LCP1: variants seen among roughly 807,000 people sequenced by gnomAD.
The protein encoded by LCP1 is lymphocyte cytosolic protein 1.
In LCP1, 23 loss-of-function variants were observed where a neutral mutation model predicts 72.0. The observed-to-expected ratio is 0.32, with a 90% CI of 0.23 to 0.45. LCP1 has a LOEUF of 0.45. LCP1 is among the 20% of genes least tolerant of loss of function. The probability of loss-of-function intolerance (pLI) is 1.00; values close to 1 mark genes in which losing one functional copy is unlikely to be tolerated. For missense variants in LCP1, 571 were observed against 748.3 expected (o/e 0.76, Z 2.76); for synonymous variants, 245 against 275.4 (o/e 0.89, Z 1.09).
chr13:46,130,742 T>C, intron 15 of LCP1, 72 bp downstream of exon 15: 1 of 1,561,176 alleles, frequency 6.4e-7, no homozygotes, highest in Non-Finnish European at 8.8e-7. Flanking sequence ...GCATGAGCAT[T>C]AGACTTTACA....
intron 13 of LCP1, among the ~76,000 whole-genome samples, chr13:46,140,993 C>T (rs1040690191): frequency 4.6e-5 from 7 of 152,088 alleles, no homozygotes; most frequent in Admixed American, 4.6e-4. Context: ...CTTGGAATCC[C>T]CCAGAACCAG....
chr13:46,130,766 C>T (rs764831874), intron 15 of LCP1, 48 bp downstream of exon 15: 15 of 1,608,236 alleles, frequency 9.3e-6, no homozygotes, highest in Non-Finnish European at 1.2e-5. Flanking sequence ...ATCCAGCTGC[C>T]AGTTGGGTCC....
intron 13 of LCP1, among the ~76,000 whole-genome samples, chr13:46,136,139 C>A (rs2045663881): frequency 6.6e-6 from 1 of 151,786 alleles, no homozygotes; most frequent in African/African-American, 2.4e-5. Context: ...TTCAACCACA[C>A]AGAACCATCA....
intron 1 of LCP1, among the ~76,000 whole-genome samples, chr13:46,179,949 A>G (rs2045948616): frequency 6.6e-6 from 1 of 152,118 alleles, no homozygotes; most frequent in Non-Finnish European, 1.5e-5. Context: ...AAATGTTTGT[A>G]AATTTATTAC....
chr13:46,166,450 CTT>C (rs542558464), intron 1 of LCP1, among the ~76,000 whole-genome samples: 130 of 152,328 alleles, frequency 8.5e-4, no homozygotes, highest in Non-Finnish European at 1.3e-3. Flanking sequence ...CCAAGGGACT[CTT>C]TTGAATGTGC....
In LCP1 at chr13:46,146,852, A is replaced by G. The variant is rs2045733575; in HGVS notation, c.1174+56T>C. The stretch of plus-strand genomic sequence containing the variant: ...GCTTAGGAAGTGAGTTTGAATTGCC[A>G]TTGAATTAGAATTGTGAGTGCCTTT... On this transcript the variant is annotated intron_variant, in intron 10 of 15. Transcript: ENST00000323076. 7 of 1,553,138 alleles carry G rather than the reference A, an allele frequency of 4.5e-6. No homozygotes were observed. In the Admixed American group the frequency reaches 1.2e-4, roughly 26 times the overall value.
intron 13 of LCP1, 50 bp downstream of exon 13, chr13:46,142,242 C>T: frequency 6.4e-7 from 1 of 1,572,364 alleles, no homozygotes; most frequent in Non-Finnish European, 8.7e-7. Context: ...TAATATTTGT[C>T]TAAGTAAATA....
intron 1 of LCP1, among the ~76,000 whole-genome samples, chr13:46,167,191 A>C (rs762642022): frequency 5.9e-5 from 9 of 152,198 alleles, no homozygotes; most frequent in Non-Finnish European, 1.2e-4. Context: ...CTCCTCTGAC[A>C]CTATTATCTC....
Position 46,127,449 on chromosome 13 carries a change from C to G in LCP1, c.*142G>C, listed in dbSNP as rs1254594327. ...TTTTTGTTAAATACAGGAGAGGCTA[C>G]TTGGCTGCACTAATATGTGCTTTTT... is the stretch of plus-strand genomic sequence containing the variant. On this transcript the variant is annotated 3_prime_UTR_variant, in exon 16 of 16. Coordinates refer to ENST00000323076, the MANE Select transcript of LCP1 (RefSeq NM_002298.5). 5 of 1,012,146 alleles carry G rather than the reference C, an allele frequency of 4.9e-6. No homozygotes were observed. Among genetic ancestry groups the G allele is most frequent in the Admixed American group, 2.6e-5 (1 of 38,394 alleles). 62.7% of individuals were successfully genotyped at this position (1,012,146 alleles called of 1,614,324 possible).
rs1036033018 is a variant in LCP1, at chr13:46,143,406, T to C, written c.1254-2A>G. The stretch of plus-strand genomic sequence containing the variant: ...ATGACCAGGGCATCTGATAAGTCAC[T>C]GAACAAAACAAACACAAAAGGATTC... On this transcript the variant is annotated splice_acceptor_variant, in intron 11 of 15. Transcript: ENST00000323076. LOFTEE classifies it high-confidence loss of function. 1 of 1,599,858 alleles carries C rather than the reference T, an allele frequency of 6.3e-7. No individual in the cohort carries two copies. Among genetic ancestry groups the C allele is most frequent in the Non-Finnish European group, 8.6e-7 (1 of 1,167,252 alleles).
chr13:46,176,285 T>C (rs574968133), intron 1 of LCP1, among the ~76,000 whole-genome samples: 1 of 152,346 alleles, frequency 6.6e-6, no homozygotes, highest in Admixed American at 6.5e-5. Context: ...AGACATTGTA[T>C]GTATTGAAAC....
Position 46,134,063 on chromosome 13 carries a change from A to C in LCP1, c.1626+64T>G, listed in dbSNP as rs74073559. The C allele has an allele frequency of 3.0e-3, 4,705 of 1,570,818 alleles. 92 individuals carry two copies. The African/African-American group carries it at 0.047, about 16-fold the overall frequency. ...ACCACTGAAGGTCACTTGAACACAT[A>C]ATGAAAACAATACAGATAGGCATAG... On this transcript the variant is annotated intron_variant, in intron 14 of 15. Transcript: ENST00000323076.
At chr13:46,169,074 C>T (rs1283603031) in intron 1 of LCP1, among the ~76,000 whole-genome samples, 1 of 152,150 alleles carries the variant, frequency 6.6e-6, no homozygotes, top group East Asian at 1.9e-4. Context: ...AAATGACACC[C>T]AAGTTAAAGG....
intron 1 of LCP1, among the ~76,000 whole-genome samples, chr13:46,175,189 G>A (rs542717476): frequency 9.8e-5 from 15 of 152,290 alleles, no homozygotes; most frequent in African/African-American, 1.4e-4. Context: ...TCTTTCAAGC[G>A]TTTGGCATGA....
At position 46,146,941 on chromosome 13, in the gene LCP1, C is replaced by T; in HGVS notation, c.1141G>A (p.Glu381Lys). 2 of 1,614,150 alleles carry T rather than the reference C, an allele frequency of 1.2e-6. No homozygotes were observed. The highest frequency in any genetic ancestry group is 8.5e-7 in the Non-Finnish European group (1 of 1,180,030). ...FNRYPALHKP[E>K]NQDIDWGALE... ...GCCCCCCAGTCAATGTCCTGGTTCT[C>T]TGGTTTGTGCAGGGCAGGGTATCTG... Residue 381 changes from glutamate (E) to lysine (K), a missense_variant, in exon 10 of 16, where the codon GAG (glutamate) becomes AAG (lysine). Coordinates refer to ENST00000323076, the MANE Select transcript of LCP1 (RefSeq NM_002298.5).
rs868383029 is a variant in LCP1 at position 46,172,305 on chromosome 13, G to A, written c.-25+9806C>T. 3.9e-4 allele frequency among the ~76,000 whole-genome samples: 59 copies of A among 152,226 alleles called. 1 individual carries two copies. The highest frequency in any genetic ancestry group is 1.2e-3 in the African/African-American group (51 of 41,558). ...TCAAAACCAGCCTGGCCAACATGGTGAAAACCCATCTCTACTAAAAATACA... is the reference window on the plus strand; with the variant it reads ...TCAAAACCAGCCTGGCCAACATGGTAAAAACCCATCTCTACTAAAAATACA... On this transcript the variant is annotated intron_variant, in intron 1 of 15. Coordinates refer to ENST00000323076, the MANE Select transcript of LCP1 (RefSeq NM_002298.5).
At chr13:46,177,222 T>C (rs2045935534) in intron 1 of LCP1, among the ~76,000 whole-genome samples, 1 of 152,238 alleles carries the variant, frequency 6.6e-6, no homozygotes, top group African/African-American at 2.4e-5. Flanking sequence ...AGGACACTTA[T>C]ATTTGGCCAT....
chr13:46,180,380 G>A (rs577762460), intron 1 of LCP1, among the ~76,000 whole-genome samples: 4 of 152,328 alleles, frequency 2.6e-5, no homozygotes, highest in African/African-American at 9.6e-5. Flanking sequence ...GACTTTACTT[G>A]TTGGTCTTCC....
intron 15 of LCP1, among the ~76,000 whole-genome samples, chr13:46,129,074 T>C (rs1328306974): frequency 6.6e-6 from 1 of 152,216 alleles, no homozygotes; most frequent in African/African-American, 2.4e-5. Flanking sequence ...CAAAGTAAAA[T>C]TAATTTTTCC....
Sources: gnomAD v4.1 joint callset for allele counts (sites outside exome capture counted in the v4.1 genomes callset) on GRCh38, gnomAD v4.1.1 for gene constraint, MANE v1.5 for transcripts, NCBI Gene and HGNC (gene_info 2026-07-23, HGNC 2026-07-21) for gene names.